The following AGBL1 variants were observed in gnomAD, a reference collection of about 807,000 sequenced individuals.
AGBL1 encodes cytosolic carboxypeptidase 4.
AGBL1 carries 130 observed loss-of-function variants against 118.9 expected under a neutral mutation model. The observed-to-expected ratio is 1.09, with a 90% CI of 0.95 to 1.26. The LOEUF is 1.26. Ranked by LOEUF, AGBL1 falls within the 50% of genes most tolerant of loss-of-function variation. The pLI is 0.00. For synonymous variants in AGBL1, 555 were observed against 478.9 expected, an observed-to-expected ratio of 1.16 and a Z score of -2.08; for missense variants, 1,584 against 1,298.1, an observed-to-expected ratio of 1.22 and a Z score of -3.38.
Position 86,754,572 on chromosome 15 carries a change from C to T in AGBL1, c.3158+80136C>T, listed in dbSNP as rs533632610. Among the ~76,000 whole-genome samples, 4 of 152,100 alleles carry T rather than the reference C, an allele frequency of 2.6e-5. No individual in the cohort carries two copies. The South Asian group carries it at 8.3e-4, about 32-fold the overall frequency. ...CCAAAGGGCTCCTGATCCCATTAATCCCTGACAGAGATTCCTGCAGGGCTT... is the reference window on the plus strand; with the variant it reads ...CCAAAGGGCTCCTGATCCCATTAATTCCTGACAGAGATTCCTGCAGGGCTT... On this transcript the variant is annotated intron_variant, in intron 22 of 22. Transcript: ENST00000614907.
intron 17 of AGBL1, among the ~76,000 whole-genome samples, chr15:86,341,353 C>T (rs1217519176): frequency 6.7e-6 from 1 of 149,684 alleles, no homozygotes; most frequent in South Asian, 2.2e-4. Context: ...CTGACTTGTT[C>T]AGCTCCAAGT....
intron 17 of AGBL1, among the ~76,000 whole-genome samples, chr15:86,349,528 G>A (rs571269227): frequency 2.0e-5 from 3 of 152,112 alleles, no homozygotes; most frequent in Non-Finnish European, 4.4e-5. Context: ...CAAGTAATTT[G>A]TTAACTCTTG....
intron 24 of AGBL1, among the ~76,000 whole-genome samples, chr15:87,020,165 C>G (rs1229223625): frequency 6.6e-6 from 1 of 152,048 alleles, no homozygotes; most frequent in African/African-American, 2.4e-5. Flanking sequence ...GAATTTACAG[C>G]TGAATTCTAC....
chr15:86,191,075 G>A (rs977653691), intron 5 of AGBL1, among the ~76,000 whole-genome samples: 1 of 152,092 alleles, frequency 6.6e-6, no homozygotes, highest in Non-Finnish European at 1.5e-5. Flanking sequence ...CGGGTGTGGT[G>A]GAACACGTCT....
At chr15:86,881,786 C>G (rs938891062) in intron 22 of AGBL1, among the ~76,000 whole-genome samples, 1 of 152,250 alleles carries the variant, frequency 6.6e-6, no homozygotes, top group East Asian at 1.9e-4. Context: ...CAGCTGTGTG[C>G]CACCACGCCC....
At chr15:86,155,405 G>C (rs533466881) in intron 4 of AGBL1, among the ~76,000 whole-genome samples, 36 of 152,270 alleles carry the variant, frequency 2.4e-4, no homozygotes, top group Non-Finnish European at 4.0e-4. Flanking sequence ...AGCATTGATT[G>C]TGACCCTGCA....
intron 23 of AGBL1, among the ~76,000 whole-genome samples, chr15:86,974,444 ATTTTATATATTGAATATAAACATAT>A (rs1375600024): frequency 7.9e-6 from 1 of 125,924 alleles, no homozygotes; most frequent in Admixed American, 8.3e-5. Flanking sequence ...ATATAAACAT[ATTTTATATATTGAATATAAACATAT>A]TTTATATATT....
chr15:86,887,314 C>A (rs2079984476), intron 22 of AGBL1, among the ~76,000 whole-genome samples: 1 of 152,068 alleles, frequency 6.6e-6, no homozygotes, highest in Non-Finnish European at 1.5e-5. Context: ...TTGGCTGTTA[C>A]TTTTAAACTC....
intron 22 of AGBL1, among the ~76,000 whole-genome samples, chr15:86,728,490 C>T (rs966873329): frequency 6.6e-6 from 1 of 152,176 alleles, no homozygotes; most frequent in Non-Finnish European, 1.5e-5. Flanking sequence ...TAGGTATCAG[C>T]AGAGCCTACC....
chr15:86,392,027 T>G (rs1465491820), intron 17 of AGBL1, among the ~76,000 whole-genome samples: 1 of 152,180 alleles, frequency 6.6e-6, no homozygotes, highest in Admixed American at 6.5e-5. Flanking sequence ...TTTGCCTTTG[T>G]GAAATTGACA....
chr15:86,149,827 C>G (rs952430273), intron 3 of AGBL1, among the ~76,000 whole-genome samples: 41 of 152,156 alleles, frequency 2.7e-4, no homozygotes, highest in Non-Finnish European at 2.9e-5. Flanking sequence ...AATATATATT[C>G]TTCTCAGCAC....
intron 16 of AGBL1, among the ~76,000 whole-genome samples, chr15:86,288,242 CAG>C (rs2079485605): frequency 6.6e-6 from 1 of 152,112 alleles, no homozygotes; most frequent in Admixed American, 6.6e-5. Flanking sequence ...TTTATGATCA[CAG>C]AGACTATAAT....
At chr15:86,250,372 A>G (rs1411525802) in intron 7 of AGBL1, among the ~76,000 whole-genome samples, 12 of 151,620 alleles carry the variant, frequency 7.9e-5, no homozygotes, top group Non-Finnish European at 1.8e-4. Flanking sequence ...TAAAAATACA[A>G]AAAATTAGCC....
chr15:86,709,095 T>C (rs1438078139), intron 22 of AGBL1, among the ~76,000 whole-genome samples: 1 of 152,148 alleles, frequency 6.6e-6, no homozygotes, highest in East Asian at 1.9e-4. Flanking sequence ...ACTACATTAA[T>C]TCTTGTATTT....
At chr15:86,397,221 A>G (rs557618078) in intron 17 of AGBL1, 145 bp from the exon 18 acceptor site, 2 of 574,060 alleles carry the variant, frequency 3.5e-6, no homozygotes, top group African/African-American at 3.8e-5. Flanking sequence ...GAAAACATTG[A>G]AGGAAACAAA....
At chr15:86,990,734 G>C (rs1371012800) in intron 24 of AGBL1, among the ~76,000 whole-genome samples, 1 of 152,170 alleles carries the variant, frequency 6.6e-6, no homozygotes, top group African/African-American at 2.4e-5. Flanking sequence ...TGTTTAAAGA[G>C]TCTCAGGGAG....
intron 18 of AGBL1, among the ~76,000 whole-genome samples, chr15:86,407,156 T>C (rs1350429370): frequency 2.6e-5 from 4 of 152,198 alleles, no homozygotes; most frequent in Non-Finnish European, 5.9e-5. Flanking sequence ...TGATTTTATT[T>C]TCATTTTTTA....
chr15:86,890,044 T>C (rs1052640818), intron 22 of AGBL1, among the ~76,000 whole-genome samples: 5 of 152,118 alleles, frequency 3.3e-5, no homozygotes, highest in African/African-American at 1.2e-4. Flanking sequence ...TTCTCTGCAG[T>C]CTTGCCAGCA....
intron 6 of AGBL1, among the ~76,000 whole-genome samples, chr15:86,227,026 T>C (rs1597587720): frequency 6.6e-6 from 1 of 152,258 alleles, no homozygotes; most frequent in East Asian, 1.9e-4. Flanking sequence ...GTTGTTGTTT[T>C]CTTTTTAAAA....
Sources: allele counts gnomAD v4.1 joint callset (sites outside exome capture counted in the v4.1 genomes callset), GRCh38; gene constraint gnomAD v4.1.1; transcripts MANE v1.5; gene names NCBI Gene and HGNC (gene_info 2026-07-23, HGNC 2026-07-21).